Variants in DNAAF5 observed in about 807,000 individuals in gnomAD.
DNAAF5 encodes HEAT repeat containing 2.
Under a neutral mutation model 75.8 loss-of-function variants are expected in DNAAF5, and 64 were observed. The observed-to-expected ratio is 0.84, with a 90% CI of 0.69 to 1.04. DNAAF5 has a LOEUF of 1.04. Among genes scored for constraint, DNAAF5 ranks in the 50% least tolerant of loss-of-function variants. DNAAF5 has a pLI of 0.00. For missense variants in DNAAF5, 1,269 were observed against 1,178.5 expected, an observed-to-expected ratio of 1.08 and a Z score of -1.12; for synonymous variants, 657 against 557.2, an observed-to-expected ratio of 1.18 and a Z score of -2.52.
intron 2 of DNAAF5, chr7:732,457 C>T (rs1244102908): frequency 2.2e-6 from 1 of 448,110 alleles, no homozygotes; most frequent in Non-Finnish European, 4.5e-6. Flanking sequence ...AGCTGCTCAG[C>T]TTTGCTGCAG....
chr7:749,194 C>T (rs1012220937), intron 4 of DNAAF5, among the ~76,000 whole-genome samples: 7 of 152,208 alleles, frequency 4.6e-5, no homozygotes, highest in Non-Finnish European at 8.8e-5. Context: ...CCTTCTCACA[C>T]GGAAGCACAC....
chr7:742,397 C>T (rs1364599647), intron 4 of DNAAF5, among the ~76,000 whole-genome samples: 1 of 52,256 alleles, frequency 1.9e-5, no homozygotes, highest in African/African-American at 5.7e-5. Flanking sequence ...ATCAGATGCC[C>T]AGCCCAAATC....
intron 8 of DNAAF5, among the ~76,000 whole-genome samples, chr7:764,698 AC>A (rs1235988782): frequency 6.6e-6 from 1 of 152,122 alleles, no homozygotes; most frequent in Non-Finnish European, 1.5e-5. Flanking sequence ...GTAGGGACTC[AC>A]CTTTTTTTTC....
At position 768,143 on chromosome 7, in the gene DNAAF5, GCGC is replaced by G. The variant is rs1312344885; in HGVS notation, c.1784-2327_1784-2325del. Among the ~76,000 whole-genome samples the G allele has an allele frequency of 4.9e-4, 51 of 103,584 alleles. 1 individual carries two copies. Among genetic ancestry groups the G allele is most frequent in the East Asian group, 1.5e-3 (4 of 2,622 alleles). 68.0% of individuals were successfully genotyped at this position (103,584 alleles called of 152,430 possible). On this transcript the variant is annotated intron_variant, in intron 8 of 12. Transcript: ENST00000297440. ...CTGGGCGGAAGTGTCCATGCTGCGA[GCGC>G]TCGCGGCTGGGAGCGCAGACACGTG...
At chr7:743,517 C>T (rs918780947) in intron 4 of DNAAF5, among the ~76,000 whole-genome samples, 1 of 151,652 alleles carries the variant, frequency 6.6e-6, no homozygotes. Flanking sequence ...CATTCTCCAC[C>T]TTGCAGCCCC....
intron 9 of DNAAF5, among the ~76,000 whole-genome samples, chr7:773,140 G>C: frequency 6.6e-6 from 1 of 152,206 alleles, no homozygotes; most frequent in East Asian, 1.9e-4. Context: ...TGCAAGTCAC[G>C]GTGCCGAAAA....
At chr7:757,959 A>T (rs1458424631) in intron 6 of DNAAF5, among the ~76,000 whole-genome samples, 1 of 152,124 alleles carries the variant, frequency 6.6e-6, no homozygotes, top group African/African-American at 2.4e-5. Flanking sequence ...TCAGAACGAG[A>T]GGTGGGGCTG....
intron 6 of DNAAF5, among the ~76,000 whole-genome samples, chr7:760,420 A>G (rs1254274719): frequency 2.0e-5 from 3 of 152,212 alleles, no homozygotes; most frequent in Non-Finnish European, 1.5e-5. Flanking sequence ...TTTAAATTAC[A>G]TGGCCACGGT....
intron 11 of DNAAF5, among the ~76,000 whole-genome samples, chr7:777,666 C>T (rs535075340): frequency 4.3e-4 from 65 of 152,276 alleles, no homozygotes; most frequent in African/African-American, 1.5e-3. Flanking sequence ...AAATGTTTAG[C>T]AGTTTTTAAA....
chr7:739,613 G>A (rs187816608), intron 2 of DNAAF5, among the ~76,000 whole-genome samples: 12 of 152,314 alleles, frequency 7.9e-5, no homozygotes, highest in Admixed American at 5.2e-4. Context: ...TCGCCTGTGC[G>A]CACCGCACGG....
At chr7:769,720 C>G (rs1778489055) in intron 8 of DNAAF5, among the ~76,000 whole-genome samples, 1 of 152,150 alleles carries the variant, frequency 6.6e-6, no homozygotes, top group African/African-American at 2.4e-5. Context: ...TGCAATAGTG[C>G]GATCTCAGCT....
At chr7:779,282 C>T (rs1322073737) in intron 11 of DNAAF5, among the ~76,000 whole-genome samples, 2 of 152,144 alleles carry the variant, frequency 1.3e-5, no homozygotes, top group Non-Finnish European at 2.9e-5. Context: ...GGGCCTCATG[C>T]CAGGCATGGG....
chr7:779,900 G>C, intron 11 of DNAAF5, 53 bp from the exon 12 acceptor site: 1 of 1,507,908 alleles, frequency 6.6e-7, no homozygotes, highest in Non-Finnish European at 9.1e-7. Flanking sequence ...TGGACGTTTA[G>C]ACGTGAAATG....
intron 4 of DNAAF5, among the ~76,000 whole-genome samples, chr7:742,041 G>T (rs1050884513): frequency 3.3e-5 from 5 of 152,226 alleles, no homozygotes; most frequent in Non-Finnish European, 5.9e-5. Context: ...TCTCTCCGCA[G>T]AGCCCAGCAG....
chr7:781,431 AC>A (rs534403740), intron 12 of DNAAF5, among the ~76,000 whole-genome samples: 9 of 152,020 alleles, frequency 5.9e-5, no homozygotes, highest in Non-Finnish European at 1.2e-4. Context: ...GTCCGTGGAC[AC>A]CCCGGTTGCT....
intron 11 of DNAAF5, among the ~76,000 whole-genome samples, chr7:776,586 CA>C (rs1380901889): frequency 6.6e-6 from 1 of 152,196 alleles, no homozygotes; most frequent in Non-Finnish European, 1.5e-5. Flanking sequence ...GCAGCAGGAC[CA>C]GGGGCACAGC....
chr7:774,144 T>C lies in DNAAF5; in HGVS notation c.2028T>C (p.Ala676=), dbSNP rs1583517485. The change falls in exon 10 of 13, where the codon GCT becomes GCC. Residue 676 remains alanine (A), a synonymous_variant. Coordinates refer to ENST00000297440, the MANE Select transcript of DNAAF5 (RefSeq NM_017802.4). The part of the protein sequence containing the change: ...AGRTAAAIRT[A]AVSCLWALTS... ...GGACAGCCGCGGCCATCCGCACGGC[T>C]GCCGTGTCCTGCCTCTGGGCGCTCA... 1.2e-6 allele frequency: 2 copies of C among 1,612,312 alleles called. No homozygotes were observed. The highest frequency in any genetic ancestry group is 2.2e-5 in the South Asian group (2 of 91,072).
chr7:727,138 G>T lies in DNAAF5; in HGVS notation c.418G>T (p.Glu140Ter). The T allele has an allele frequency of 1.6e-6, 2 of 1,232,630 alleles. No homozygotes were observed. The highest frequency in any genetic ancestry group is 2.0e-6 in the Non-Finnish European group (2 of 984,246). The allele number at this position is 1,232,630 out of a possible 1,614,324, so 76.4% of individuals were successfully genotyped here. Residue 140 changes from glutamate (E) to a stop codon, truncating the protein, a stop_gained, in exon 1 of 13, where the codon GAG becomes TAG. Coordinates refer to ENST00000297440, the MANE Select transcript of DNAAF5 (RefSeq NM_017802.4). LOFTEE classifies it high-confidence loss of function. Reference sequence around the variant, plus strand: ...GCGCCGCCCGCCCGAGGCCTGTGAGGAGCTGCGCCTGGCGCTTGTGCAGCT... The same window carrying T: ...GCGCCGCCCGCCCGAGGCCTGTGAGTAGCTGCGCCTGGCGCTTGTGCAGCT... ...PARRPPEACEELRLALVQLLG... is the reference protein window; with the variant it reads ...PARRPPEACE
intron 2 of DNAAF5, chr7:732,435 C>A: frequency 2.3e-6 from 1 of 434,058 alleles, no homozygotes; most frequent in South Asian, 1.6e-5. Context: ...TGTCGCCAGG[C>A]CTGCAGTCGG....
Sources: gnomAD v4.1 joint callset for allele counts (sites outside exome capture counted in the v4.1 genomes callset) on GRCh38, gnomAD v4.1.1 for gene constraint, MANE v1.5 for transcripts, NCBI Gene and HGNC (gene_info 2026-07-23, HGNC 2026-07-21) for gene names.